The following ZNF831 variants were observed in gnomAD, a reference collection of about 807,000 sequenced individuals.
ZNF831 encodes the protein chromosome 20 open reading frame 174.
ZNF831 carries 59 observed loss-of-function variants against 95.8 expected under a neutral mutation model. The ratio of observed to expected loss-of-function variants is 0.62; its 90% CI spans 0.50 to 0.77. The LOEUF (loss-of-function observed/expected upper bound fraction) is 0.77. Among genes scored for constraint, ZNF831 ranks in the 30% least tolerant of loss-of-function variants. The pLI is 0.00. For synonymous variants in ZNF831, 961 were observed against 925.5 expected (o/e 1.04, Z -0.70); for missense variants, 2,205 against 2,164.0 (o/e 1.02, Z -0.38).
Position 59,180,460 on chromosome 20 carries a change from G to A in ZNF831, c.-36-10524G>A, listed in dbSNP as rs143063843. ...GGTGGTTTGCTACACACATCAACTT[G>A]TCATCTAGGTTTTAAGCCCTGCATG... On this transcript the variant is annotated intron_variant, in intron 1 of 5. Transcript: ENST00000371030. Among the ~76,000 whole-genome samples, 761 of 152,250 alleles carry A rather than the reference G, an allele frequency of 5.0e-3. 3 individuals carry two copies. The highest frequency in any genetic ancestry group is 0.01 in the Middle Eastern group (3 of 294).
intron 4 of ZNF831, among the ~76,000 whole-genome samples, chr20:59,213,958 A>G (rs571634073): frequency 6.6e-6 from 1 of 152,270 alleles, no homozygotes; most frequent in African/African-American, 2.4e-5. Flanking sequence ...AAGGCTGGTG[A>G]GGTTTGTTTC....
intron 1 of ZNF831, among the ~76,000 whole-genome samples, chr20:59,167,948 T>C (rs934907654): frequency 2.0e-5 from 3 of 152,186 alleles, no homozygotes; most frequent in African/African-American, 7.2e-5. Flanking sequence ...TTTGTTCTAC[T>C]CATGTCTGTG....
chr20:59,168,106 T>A (rs1370856735), intron 1 of ZNF831, among the ~76,000 whole-genome samples: 1 of 152,226 alleles, frequency 6.6e-6, no homozygotes, highest in East Asian at 1.9e-4. Context: ...TTTAGAATAA[T>A]CTTGTCTATG....
Position 59,166,602 on chromosome 20 carries a change from C to A in ZNF831, c.-37+2395C>A, listed in dbSNP as rs114147967. Among the ~76,000 whole-genome samples the A allele has an allele frequency of 7.6e-3, 1,159 of 152,218 alleles. 15 individuals carry two copies. Among genetic ancestry groups the A allele is most frequent in the African/African-American group, 0.026 (1,082 of 41,512 alleles). On this transcript the variant is annotated intron_variant, in intron 1 of 5. Transcript: ENST00000371030. ...CTCTCTCCCCCCCAACCCCTTAACC[C>A]CAAGCAATCACTAGTCTGTCCTCCA...
At chr20:59,188,087 T>G (rs779104214) in intron 1 of ZNF831, among the ~76,000 whole-genome samples, 2 of 152,238 alleles carry the variant, frequency 1.3e-5, no homozygotes, top group Non-Finnish European at 2.9e-5. Context: ...TTGACTATTT[T>G]GAATAAAGCT....
chr20:59,207,940 T>C (rs1216145025), intron 4 of ZNF831, among the ~76,000 whole-genome samples: 1 of 152,204 alleles, frequency 6.6e-6, no homozygotes, highest in Non-Finnish European at 1.5e-5. Flanking sequence ...GTAGCTCCAG[T>C]GCCCCCTACA....
At chr20:59,188,167 C>T (rs535086109) in intron 1 of ZNF831, among the ~76,000 whole-genome samples, 23 of 152,148 alleles carry the variant, frequency 1.5e-4, no homozygotes, top group Non-Finnish European at 1.8e-4. Flanking sequence ...TATACCTAGA[C>T]GTAGAATTGC....
At position 59,254,966 on chromosome 20, in the gene ZNF831, T is replaced by C. The variant is rs577301862; in HGVS notation, c.*223T>C. On this transcript the variant is annotated 3_prime_UTR_variant, in exon 6 of 6. Transcript: ENST00000371030. The surrounding 1 kb of genome is among the most constrained non-coding windows in gnomAD (Gnocchi z 4.5). ...GAGTGCTCTGCTCATCTTCAAATGGTGCCAGGCAGGGCAGACATGGCAAGG... is the reference window on the plus strand; with the variant it reads ...GAGTGCTCTGCTCATCTTCAAATGGCGCCAGGCAGGGCAGACATGGCAAGG... The C allele has an allele frequency of 4.2e-5, 22 of 525,702 alleles. No homozygotes were observed. The highest frequency in any genetic ancestry group is 4.0e-4 in the African/African-American group (21 of 52,950). 32.6% of individuals were successfully genotyped at this position (525,702 alleles called of 1,614,324 possible).
chr20:59,237,616 G>A (rs1275065004), intron 4 of ZNF831, among the ~76,000 whole-genome samples: 2 of 152,192 alleles, frequency 1.3e-5, no homozygotes, highest in Admixed American at 6.5e-5. Context: ...TTATGGGCGT[G>A]AGCCACTGTG....
chr20:59,250,023 CAG>C (rs1987804619), intron 4 of ZNF831, among the ~76,000 whole-genome samples: 1 of 152,154 alleles, frequency 6.6e-6, no homozygotes, highest in Admixed American at 6.5e-5. Flanking sequence ...CCCCACAACT[CAG>C]ACATTCATGG....
At chr20:59,227,505 A>G (rs1004768255) in intron 4 of ZNF831, among the ~76,000 whole-genome samples, 5 of 152,230 alleles carry the variant, frequency 3.3e-5, no homozygotes, top group Admixed American at 3.3e-4. Context: ...TTATTTTAAT[A>G]CAAACAGAAG....
chr20:59,236,180 T>G (rs1220633426), intron 4 of ZNF831, among the ~76,000 whole-genome samples: 1 of 152,170 alleles, frequency 6.6e-6, no homozygotes, highest in South Asian at 2.1e-4. Flanking sequence ...GAGACACTGG[T>G]GATGTGGCTG....
chr20:59,180,595 A>G (rs1447484257), intron 1 of ZNF831, among the ~76,000 whole-genome samples: 3 of 151,340 alleles, frequency 2.0e-5, no homozygotes, highest in East Asian at 1.9e-4. Context: ...TCATTGTTCA[A>G]CTCCCACTTA....
intron 4 of ZNF831, among the ~76,000 whole-genome samples, chr20:59,244,822 TC>T (rs1987513037): frequency 1.3e-5 from 2 of 152,222 alleles, no homozygotes; most frequent in African/African-American, 2.4e-5. Context: ...TGGCATACAA[TC>T]CCCTAGTTTG....
chr20:59,194,202 G>C lies in ZNF831; in HGVS notation c.3183G>C (p.Glu1061Asp), dbSNP rs753264911. 1 of 1,611,300 alleles carries C rather than the reference G, an allele frequency of 6.2e-7. No individual in the cohort carries two copies. Among genetic ancestry groups the C allele is most frequent in the African/African-American group, 1.3e-5 (1 of 74,916 alleles). Residue 1061 changes from glutamate (E) to aspartate (D), a missense_variant, in exon 2 of 6, where the codon GAG becomes GAC. Transcript: ENST00000371030. The stretch of plus-strand genomic sequence containing the variant: ...CCTCCCCGCCCACTCCAACGTGTGA[G>C]GCACACTTAGTTCAGGACATGGAGG... Reference protein sequence around the residue: ...ATSSPPTPTCEAHLVQDMEGD... With the variant: ...ATSSPPTPTCDAHLVQDMEGD...
At chr20:59,223,308 A>C (rs1469202510) in intron 4 of ZNF831, among the ~76,000 whole-genome samples, 2 of 152,168 alleles carry the variant, frequency 1.3e-5, no homozygotes, top group Non-Finnish European at 2.9e-5. Context: ...CAATCGCTGC[A>C]CGGTGACCAG....
At chr20:59,205,467 A>G (rs534068085) in intron 3 of ZNF831, among the ~76,000 whole-genome samples, 1 of 152,348 alleles carries the variant, frequency 6.6e-6, no homozygotes, top group South Asian at 2.1e-4. Flanking sequence ...AATCATGCCC[A>G]GTTGAGGGGA....
intron 5 of ZNF831, among the ~76,000 whole-genome samples, 172 bp downstream of exon 5, chr20:59,253,310 G>A (rs1207559373): frequency 6.6e-6 from 1 of 152,076 alleles, no homozygotes; most frequent in African/African-American, 2.4e-5. Flanking sequence ...ATTCTGTATC[G>A]AATGAGTAGC....
chr20:59,221,897 T>A (rs1249081713), intron 4 of ZNF831, among the ~76,000 whole-genome samples: 1 of 152,198 alleles, frequency 6.6e-6, no homozygotes, highest in Non-Finnish European at 1.5e-5. Context: ...CGTTTGAAAT[T>A]ATTAAGTGTT....
Sources: gnomAD v4.1 joint callset for allele counts (sites outside exome capture counted in the v4.1 genomes callset) on GRCh38, gnomAD v4.1.1 for gene constraint, Gnocchi (gnomAD v3.1) non-coding constraint, MANE v1.5 for transcripts, NCBI Gene and HGNC (gene_info 2026-07-23, HGNC 2026-07-21) for gene names.